TSEN2: variants seen among roughly 807,000 people sequenced by gnomAD.
TSEN2 encodes the protein tRNA-splicing endonuclease subunit Sen2.
Under a neutral mutation model 59.2 loss-of-function variants are expected in TSEN2, and 54 were observed. That is an observed-to-expected ratio of 0.91 (90% CI 0.73 to 1.14). The LOEUF is 1.14. Ranked by LOEUF, TSEN2 falls within the 50% of genes most tolerant of loss-of-function variation. The pLI, the probability that TSEN2 is intolerant of heterozygous loss-of-function variation, is 0.00. For missense variants in TSEN2, 636 were observed against 576.2 expected, an observed-to-expected ratio of 1.10 and a Z score of -1.06; for synonymous variants, 195 against 198.2, an observed-to-expected ratio of 0.98 and a Z score of 0.14.
intron 10 of TSEN2, 91 bp downstream of exon 10, chr3:12,529,964 T>C (rs1179182460): frequency 1.9e-6 from 3 of 1,545,148 alleles, no homozygotes; most frequent in African/African-American, 1.4e-5. Context: ...AAAAAGTTAG[T>C]TGTAGAAACT....
intron 7 of TSEN2, among the ~76,000 whole-genome samples, chr3:12,517,818 A>G (rs73142730): frequency 1.9e-3 from 289 of 152,236 alleles, no homozygotes; most frequent in African/African-American, 6.5e-3. Flanking sequence ...AAAAGCCTCA[A>G]CATCTGAACA....
At chr3:12,497,456 G>T (rs2053864636) in intron 4 of TSEN2, among the ~76,000 whole-genome samples, 1 of 152,232 alleles carries the variant, frequency 6.6e-6, no homozygotes, top group Non-Finnish European at 1.5e-5. Context: ...GCACCAGGGA[G>T]ATCTCAATGG....
rs538748472 is a variant in TSEN2 at position 12,502,556 on chromosome 3, C to CA, written c.309-696dup. ...ATCTCAAAAAATAACAACAATAATA[C>CA]AAAAAAAAAATCTTGATAAAGGATG... On this transcript the variant is annotated intron_variant, in intron 4 of 11. Transcript: ENST00000284995. Among the ~76,000 whole-genome samples the CA allele has an allele frequency of 4.0e-3, 587 of 145,614 alleles. 2 individuals carry two copies. The highest frequency in any genetic ancestry group is 0.014 in the Middle Eastern group (4 of 286).
downstream of TSEN2, among the ~76,000 whole-genome samples, chr3:12,536,087 G>A (rs2057667705): frequency 6.6e-6 from 1 of 152,214 alleles, no homozygotes; most frequent in Non-Finnish European, 1.5e-5. Context: ...TCTCTAGGAA[G>A]TGCAAAGCCT....
intron 8 of TSEN2, among the ~76,000 whole-genome samples, chr3:12,522,070 C>G (rs1014145708): frequency 1.3e-5 from 2 of 152,036 alleles, no homozygotes; most frequent in Non-Finnish European, 2.9e-5. Context: ...AGATCAGATT[C>G]TCATAACTTT....
At chr3:12,494,347 G>T (rs190194792) in intron 3 of TSEN2, among the ~76,000 whole-genome samples, 73 of 152,186 alleles carry the variant, frequency 4.8e-4, no homozygotes, top group Non-Finnish European at 9.0e-4. Context: ...TACATGCTGT[G>T]CTGTGGTTTA....
intron 6 of TSEN2, among the ~76,000 whole-genome samples, chr3:12,507,655 A>G (rs1286346106): frequency 2.0e-5 from 3 of 152,192 alleles, no homozygotes; most frequent in Non-Finnish European, 4.4e-5. Flanking sequence ...CCGATACTGA[A>G]ATAAGTAGAA....
At chr3:12,487,529 A>G (rs548117536) in intron 1 of TSEN2, among the ~76,000 whole-genome samples, 10 of 151,726 alleles carry the variant, frequency 6.6e-5, no homozygotes, top group Non-Finnish European at 1.3e-4. Context: ...AATGTAATGT[A>G]TATAAGTCAG....
At chr3:12,485,713 C>T (rs527548910) in intron 1 of TSEN2, among the ~76,000 whole-genome samples, 14 of 152,284 alleles carry the variant, frequency 9.2e-5, no homozygotes, top group African/African-American at 3.4e-4. Context: ...TCTTAATCTG[C>T]ATTTTTCAAT....
intron 8 of TSEN2, among the ~76,000 whole-genome samples, chr3:12,524,950 G>A (rs555575803): frequency 6.6e-6 from 1 of 151,988 alleles, no homozygotes; most frequent in East Asian, 1.9e-4. Context: ...CACCATGTTT[G>A]CCAGGCTGGT....
intron 11 of TSEN2, 93 bp downstream of exon 11, chr3:12,531,752 A>G: frequency 1.1e-6 from 1 of 899,064 alleles, no homozygotes. Flanking sequence ...ACATGAATAC[A>G]GTTTTGCCTT....
chr3:12,525,861 G>A (rs1040116644), intron 8 of TSEN2, among the ~76,000 whole-genome samples: 6 of 151,704 alleles, frequency 4.0e-5, no homozygotes, highest in Admixed American at 2.0e-4. Flanking sequence ...CACCGCGCCC[G>A]GTGGTTTGTT....
chr3:12,498,581 T>G (rs1254798387), intron 4 of TSEN2, among the ~76,000 whole-genome samples: 2 of 152,226 alleles, frequency 1.3e-5, no homozygotes, highest in Admixed American at 1.3e-4. Flanking sequence ...TTGCCGTCAA[T>G]TTGCATTGAA....
At chr3:12,529,559 T>C (rs1284901935) in intron 9 of TSEN2, among the ~76,000 whole-genome samples, 3 of 152,198 alleles carry the variant, frequency 2.0e-5, no homozygotes, top group Non-Finnish European at 2.9e-5. Context: ...TGTTTTTTCC[T>C]GTAAGTTTTG....
chr3:12,523,526 C>CTTTTTTTTTTTTGTTTTTTTTTTTTTTT (rs2056825979), intron 8 of TSEN2, among the ~76,000 whole-genome samples: 1 of 46,480 alleles, frequency 2.2e-5, no homozygotes, highest in Non-Finnish European at 4.3e-5. Context: ...CTCTTTGATT[C>CTTTTTTTTTTTTGTTTTTTTTTTTTTTT]TTTTTTTTTT....
At chr3:12,517,046 G>A (rs2056196157) in intron 7 of TSEN2, among the ~76,000 whole-genome samples, 1 of 152,064 alleles carries the variant, frequency 6.6e-6, no homozygotes, top group African/African-American at 2.4e-5. Flanking sequence ...TCTCCACCTG[G>A]TTAGAATTTG....
At chr3:12,524,834 C>T (rs1173364410) in intron 8 of TSEN2, among the ~76,000 whole-genome samples, 1 of 150,928 alleles carries the variant, frequency 6.6e-6, no homozygotes, top group Admixed American at 6.6e-5. Context: ...CCTCTGCCTC[C>T]CACATTCAAG....
chr3:12,524,475 C>T (rs2056918588), intron 8 of TSEN2, among the ~76,000 whole-genome samples: 1 of 152,152 alleles, frequency 6.6e-6, no homozygotes, highest in African/African-American at 2.4e-5. Flanking sequence ...CGTTTTGTGG[C>T]TGGTTACTGC....
chr3:12,482,443 G>A (rs2052203217), upstream of TSEN2, among the ~76,000 whole-genome samples: 1 of 152,138 alleles, frequency 6.6e-6, no homozygotes, highest in African/African-American at 2.4e-5. Flanking sequence ...TTATTGGACT[G>A]TTTTCTCTAC....
Sources: gnomAD v4.1 joint callset for allele counts (sites outside exome capture counted in the v4.1 genomes callset) on GRCh38, gnomAD v4.1.1 for gene constraint, MANE v1.5 for transcripts, NCBI Gene and HGNC (gene_info 2026-07-23, HGNC 2026-07-21) for gene names.